RGS5: variants seen among roughly 807,000 people sequenced by gnomAD.
RGS5 encodes the protein regulator of G protein signaling 5.
RGS5 carries 20 observed loss-of-function variants against 18.9 expected under a neutral mutation model. That is an observed-to-expected ratio of 1.06 (90% confidence interval 0.74 to 1.54). The LOEUF (loss-of-function observed/expected upper bound fraction) is 1.54. RGS5 is among the 40% of genes most tolerant of loss of function. The pLI, the probability that RGS5 is intolerant of heterozygous loss-of-function variation, is 0.00. For synonymous variants in RGS5, 57 were observed against 76.2 expected (o/e 0.75, Z 1.31); for missense variants, 201 against 211.8 (o/e 0.95, Z 0.32).
intron 1 of RGS5, among the ~76,000 whole-genome samples, chr1:163,170,904 A>T (rs1658270314): frequency 6.6e-6 from 1 of 152,194 alleles, no homozygotes; most frequent in Non-Finnish European, 1.5e-5. Context: ...AAGTTACTTA[A>T]ATTATCTAAT....
intron 2 of RGS5, chr1:163,238,884 A>C (rs1647709482): frequency 1.2e-5 from 2 of 170,358 alleles, no homozygotes; most frequent in Non-Finnish European, 2.8e-5. Flanking sequence ...CGAAGACTGC[A>C]CAAAAAAAGA....
intron 2 of RGS5, among the ~76,000 whole-genome samples, chr1:163,273,137 C>A (rs1048053901): frequency 6.6e-6 from 1 of 151,966 alleles, no homozygotes; most frequent in Non-Finnish European, 1.5e-5. Flanking sequence ...TGCATTGAGA[C>A]GTATTTAGTG....
intron 2 of RGS5, among the ~76,000 whole-genome samples, chr1:163,286,392 A>C (rs1300397689): frequency 6.6e-6 from 1 of 152,156 alleles, no homozygotes; most frequent in Non-Finnish European, 1.5e-5. Context: ...CCATACACAT[A>C]TATGAATAGA....
intron 1 of RGS5, among the ~76,000 whole-genome samples, chr1:163,185,298 G>A (rs1230001568): frequency 2.0e-5 from 3 of 152,092 alleles, no homozygotes; most frequent in Non-Finnish European, 4.4e-5. Context: ...GCATATGGGA[G>A]TCATGGCTGC....
At chr1:163,313,940 C>T (rs1305422298) in intron 1 of RGS5, among the ~76,000 whole-genome samples, 3 of 151,730 alleles carry the variant, frequency 2.0e-5, no homozygotes, top group African/African-American at 7.3e-5. Context: ...TTCCTGGTTT[C>T]CTAGATATGT....
intron 1 of RGS5, among the ~76,000 whole-genome samples, chr1:163,186,201 G>A (rs559674481): frequency 3.6e-4 from 54 of 151,764 alleles, no homozygotes; most frequent in African/African-American, 1.2e-3. Context: ...CTCCTGAGTA[G>A]CTGGGATTAC....
intron 1 of RGS5, among the ~76,000 whole-genome samples, chr1:163,175,119 A>G (rs1377278026): frequency 6.6e-6 from 1 of 152,198 alleles, no homozygotes; most frequent in African/African-American, 2.4e-5. Context: ...CATGTCTGGA[A>G]TAGATACCCA....
At chr1:163,153,161 G>A (rs1253196908) in intron 3 of RGS5, among the ~76,000 whole-genome samples, 2 of 152,120 alleles carry the variant, frequency 1.3e-5, no homozygotes, top group Non-Finnish European at 2.9e-5. Flanking sequence ...GTATCACTAT[G>A]AACTACTCAC....
intron 2 of RGS5, among the ~76,000 whole-genome samples, chr1:163,284,075 T>C (rs12740128): frequency 0.15 from 22,296 of 152,196 alleles, 1,964 homozygotes; most frequent in Non-Finnish European, 0.19. Context: ...AACACAGCAT[T>C]CCGCAATGGG....
At chr1:163,295,176 T>C (rs1649391402) in intron 2 of RGS5, among the ~76,000 whole-genome samples, 1 of 152,182 alleles carries the variant, frequency 6.6e-6, no homozygotes, top group Non-Finnish European at 1.5e-5. Context: ...TTCCACATTC[T>C]CAGGTATCTT....
intron 2 of RGS5, among the ~76,000 whole-genome samples, chr1:163,243,608 C>A (rs1208374446): frequency 7.0e-6 from 1 of 142,508 alleles, no homozygotes. Flanking sequence ...GGCGCCACTG[C>A]ACCCCAGCCT....
intron 1 of RGS5, among the ~76,000 whole-genome samples, chr1:163,308,095 T>C (rs1401016539): frequency 6.6e-6 from 1 of 152,168 alleles, no homozygotes; most frequent in African/African-American, 2.4e-5. Context: ...GTGGGTGGGG[T>C]CCAAAAATTT....
At chr1:163,256,082 T>C (rs1257295826) in intron 2 of RGS5, among the ~76,000 whole-genome samples, 1 of 152,168 alleles carries the variant, frequency 6.6e-6, no homozygotes, top group African/African-American at 2.4e-5. Flanking sequence ...ACCACTCCTA[T>C]TCAACATAGT....
At chr1:163,247,583 T>TATAC (rs1491170707) in intron 2 of RGS5, among the ~76,000 whole-genome samples, 3 of 67,174 alleles carry the variant, frequency 4.5e-5, no homozygotes, top group African/African-American at 3.1e-4. Flanking sequence ...GAAGTTGATT[T>TATAC]ATATATATAT....
intron 1 of RGS5, chr1:163,211,167 G>T (rs1660093351): frequency 6.6e-6 from 1 of 152,172 alleles, no homozygotes; most frequent in South Asian, 2.1e-4. Context: ...ATTTGCTAGT[G>T]AATGGGAGTT....
At chr1:163,233,566 T>A (rs905314383) in intron 2 of RGS5, among the ~76,000 whole-genome samples, 1 of 152,244 alleles carries the variant, frequency 6.6e-6, no homozygotes, top group Admixed American at 6.5e-5. Flanking sequence ...AGGCTTTGTG[T>A]GAGCAATAAA....
At chr1:163,300,031 C>T (rs1649513281) in intron 2 of RGS5, among the ~76,000 whole-genome samples, 1 of 152,190 alleles carries the variant, frequency 6.6e-6, no homozygotes, top group African/African-American at 2.4e-5. Context: ...TCAATGCTTG[C>T]CTCATCTATC....
intron 2 of RGS5, among the ~76,000 whole-genome samples, chr1:163,246,199 C>T (rs1181024407): frequency 3.4e-5 from 5 of 147,892 alleles, no homozygotes; most frequent in Non-Finnish European, 7.4e-5. Flanking sequence ...CCAGCCTGGG[C>T]GACAGAGCGA....
intron 1 of RGS5, among the ~76,000 whole-genome samples, chr1:163,315,436 T>G (rs1649994635): frequency 6.6e-6 from 1 of 152,076 alleles, no homozygotes; most frequent in Non-Finnish European, 1.5e-5. Flanking sequence ...ACCAAAAAAT[T>G]TTAAGAATAT....
Sources: gnomAD v4.1 joint callset for allele counts (sites outside exome capture counted in the v4.1 genomes callset) on GRCh38, gnomAD v4.1.1 for gene constraint, MANE v1.5 for transcripts, NCBI Gene and HGNC (gene_info 2026-07-23, HGNC 2026-07-21) for gene names.